The following TMOD2 variants were observed in gnomAD, a reference collection of about 807,000 sequenced individuals.
The protein encoded by TMOD2 is tropomodulin 2, also known as tropomodulin-2.
Under a neutral mutation model 39.9 loss-of-function variants are expected in TMOD2, and 22 were observed. The observed-to-expected ratio is 0.55, with a 90% CI of 0.39 to 0.79. The LOEUF is 0.79. Ranked by LOEUF, TMOD2 falls within the 30% of genes least tolerant of loss-of-function variation. The pLI is 0.00. For missense variants in TMOD2, 386 were observed against 413.3 expected (o/e 0.93, Z 0.57); for synonymous variants, 123 against 146.1 (o/e 0.84, Z 1.14).
intron 1 of TMOD2, among the ~76,000 whole-genome samples, chr15:51,763,750 T>C (rs1349879384): frequency 6.6e-6 from 1 of 152,194 alleles, no homozygotes; most frequent in African/African-American, 2.4e-5. Context: ...GTTTTGAAGT[T>C]GGTGCTTTTG....
In TMOD2 at chr15:51,798,265, T is replaced by A; in HGVS notation, c.801T>A (p.Thr267=). ...TSLNIESNFI[T]GTGILALVEA... ...TAAACATAGAATCCAATTTTATCACTGGAACTGGGATCCTGGCCCTGGTAG... is the reference window on the plus strand; with the variant it reads ...TAAACATAGAATCCAATTTTATCACAGGAACTGGGATCCTGGCCCTGGTAG... Residue 267 remains threonine, a synonymous_variant, in exon 8 of 10, where the codon ACT becomes ACA. Transcript: ENST00000249700. The A allele has an allele frequency of 6.2e-7, 1 of 1,613,952 alleles. No individual in the cohort carries two copies. The highest frequency in any genetic ancestry group is 8.5e-7 in the Non-Finnish European group (1 of 1,179,942).
chr15:51,758,549 A>C (rs1472761369), intron 1 of TMOD2, among the ~76,000 whole-genome samples: 1 of 152,250 alleles, frequency 6.6e-6, no homozygotes, highest in Non-Finnish European at 1.5e-5. Context: ...GTTACACAAT[A>C]TTTATTGGAT....
At chr15:51,773,929 T>A in intron 4 of TMOD2, 95 bp downstream of exon 4, 1 of 1,387,332 alleles carries the variant, frequency 7.2e-7, no homozygotes, top group Non-Finnish European at 9.7e-7. Context: ...TTCTCTTAGG[T>A]AGGAGAATGA....
chr15:51,790,117 A>T (rs971670877), intron 7 of TMOD2, among the ~76,000 whole-genome samples: 4 of 152,232 alleles, frequency 2.6e-5, no homozygotes, highest in Non-Finnish European at 4.4e-5. Flanking sequence ...AGCAAGACTA[A>T]CAAAGAAGAA....
intron 1 of TMOD2, among the ~76,000 whole-genome samples, chr15:51,764,578 G>A (rs1216291064): frequency 2.0e-5 from 3 of 152,138 alleles, no homozygotes; most frequent in African/African-American, 7.2e-5. Context: ...AAGCTGTGGT[G>A]GCTTGCCATT....
At chr15:51,778,818 C>A (rs2055909283) in intron 5 of TMOD2, among the ~76,000 whole-genome samples, 1 of 151,684 alleles carries the variant, frequency 6.6e-6, no homozygotes, top group African/African-American at 2.4e-5. Flanking sequence ...CCACACCCAA[C>A]TAATTTTTAG....
chr15:51,769,731 A>G (rs1293084272), intron 3 of TMOD2, among the ~76,000 whole-genome samples: 3 of 152,166 alleles, frequency 2.0e-5, no homozygotes, highest in Admixed American at 1.3e-4. Context: ...CAATCTTTTT[A>G]TAATACAAAT....
chr15:51,808,573 T>C lies in TMOD2; in HGVS notation c.*119T>C. On this transcript the variant is annotated 3_prime_UTR_variant, in exon 10 of 10. Coordinates refer to ENST00000249700, the MANE Select transcript of TMOD2 (RefSeq NM_014548.4). ...CGTTCATTTCCGTTAACCACATAAC[T>C]AATAATTTAATTGTTATTCTTTTTT... 1.6e-6 allele frequency: 1 copy of C among 624,450 alleles called. No homozygotes were observed. The highest frequency in any genetic ancestry group is 2.5e-5 in the South Asian group (1 of 39,522). The allele number at this position is 624,450 out of a possible 1,614,324, so 38.7% of individuals were successfully genotyped here.
chr15:51,764,298 CAG>C (rs1304304703), intron 1 of TMOD2, among the ~76,000 whole-genome samples: 1 of 152,052 alleles, frequency 6.6e-6, no homozygotes, highest in Non-Finnish European at 1.5e-5. Flanking sequence ...GCCTGGGCAA[CAG>C]AGGGAGACCC....
chr15:51,768,723 C>G (rs2055834208), intron 3 of TMOD2, among the ~76,000 whole-genome samples: 3 of 151,520 alleles, frequency 2.0e-5, no homozygotes, highest in Non-Finnish European at 2.9e-5. Flanking sequence ...GAAATAAGCC[C>G]ATGAACTAGA....
chr15:51,809,166 T>G lies in TMOD2; in HGVS notation c.*712T>G, dbSNP rs2056139919. On this transcript the variant is annotated 3_prime_UTR_variant, in exon 10 of 10. Coordinates refer to ENST00000249700, the MANE Select transcript of TMOD2 (RefSeq NM_014548.4). ...ACCTACTTTTACTGACTATTCAACATAAATTGAATCTTTAACATGACTTTA... is the reference window on the plus strand; with the variant it reads ...ACCTACTTTTACTGACTATTCAACAGAAATTGAATCTTTAACATGACTTTA... The G allele has an allele frequency of 6.5e-6, 1 of 152,674 alleles. No individual in the cohort carries two copies. Among genetic ancestry groups the G allele is most frequent in the Non-Finnish European group, 1.5e-5 (1 of 68,040 alleles). 9.5% of individuals were successfully genotyped at this position (152,674 alleles called of 1,614,324 possible).
chr15:51,802,720 G>A (rs1369878157), intron 8 of TMOD2, among the ~76,000 whole-genome samples: 1 of 152,168 alleles, frequency 6.6e-6, no homozygotes, highest in South Asian at 2.1e-4. Flanking sequence ...TGCTAAAGTT[G>A]CTCATGAAAC....
chr15:51,780,500 A>G (rs907803538), intron 5 of TMOD2, among the ~76,000 whole-genome samples: 1 of 152,202 alleles, frequency 6.6e-6, no homozygotes, highest in Non-Finnish European at 1.5e-5. Context: ...ATATTGGGAT[A>G]TTAATCCTTT....
chr15:51,804,852 T>C (rs1307103301), intron 8 of TMOD2, among the ~76,000 whole-genome samples: 3 of 151,310 alleles, frequency 2.0e-5, no homozygotes, highest in Non-Finnish European at 3.0e-5. Context: ...ATTACAGGCA[T>C]GTGAGCCACT....
intron 7 of TMOD2, among the ~76,000 whole-genome samples, chr15:51,797,191 T>C (rs745985779): frequency 2.6e-5 from 4 of 152,216 alleles, no homozygotes; most frequent in Non-Finnish European, 5.9e-5. Flanking sequence ...CCTTTCCCAT[T>C]TTCCCCCCAC....
At chr15:51,769,335 ACTG>A (rs1028533690) in intron 3 of TMOD2, among the ~76,000 whole-genome samples, 9 of 152,106 alleles carry the variant, frequency 5.9e-5, no homozygotes, top group Admixed American at 4.6e-4. Flanking sequence ...TGGCTCTAGC[ACTG>A]CATCCCTAAC....
At chr15:51,768,219 C>A (rs1428496131) in intron 2 of TMOD2, 43 bp from the exon 3 acceptor site, 5 of 1,611,606 alleles carry the variant, frequency 3.1e-6, no homozygotes, top group Non-Finnish European at 4.2e-6. Context: ...AAAGTACAGG[C>A]CGGCAGACAT....
In TMOD2 at chr15:51,810,564, C is replaced by G. The variant is rs948680120; in HGVS notation, c.*2110C>G. 4 of 152,124 alleles carry G rather than the reference C, an allele frequency of 2.6e-5. No individual in the cohort carries two copies. The highest frequency in any genetic ancestry group is 5.9e-5 in the Non-Finnish European group (4 of 68,022). 9.4% of individuals were successfully genotyped at this position (152,124 alleles called of 1,614,324 possible). ...TGGGGTTTTCTCCCTCTCCAGATTGCTGGTTGATAAACATTCATCAGCACA... is the reference window on the plus strand; with the variant it reads ...TGGGGTTTTCTCCCTCTCCAGATTGGTGGTTGATAAACATTCATCAGCACA... On this transcript the variant is annotated 3_prime_UTR_variant, in exon 10 of 10. Coordinates refer to ENST00000249700, the MANE Select transcript of TMOD2 (RefSeq NM_014548.4).
chr15:51,754,943 G>A (rs576617425), intron 1 of TMOD2, among the ~76,000 whole-genome samples: 35 of 152,194 alleles, frequency 2.3e-4, no homozygotes, highest in Non-Finnish European at 4.3e-4. Context: ...TTGAGTGAAA[G>A]GTCAGGACAT....
Sources: allele counts gnomAD v4.1 joint callset (sites outside exome capture counted in the v4.1 genomes callset), GRCh38; gene constraint gnomAD v4.1.1; transcripts MANE v1.5; gene names NCBI Gene and HGNC (gene_info 2026-07-23, HGNC 2026-07-21).